Variants in KLF15 observed in about 807,000 individuals in gnomAD.
KLF15 encodes the protein Krueppel-like factor 15.
In KLF15, 4 loss-of-function variants were observed where a neutral mutation model predicts 24.6. The observed-to-expected ratio is 0.16, with a 90% CI of 0.08 to 0.37. KLF15 has a LOEUF of 0.37. Among genes scored for constraint, KLF15 ranks in the 10% least tolerant of loss-of-function variants. The pLI, the probability that KLF15 is intolerant of heterozygous loss-of-function variation, is 1.00. For synonymous variants in KLF15, 246 were observed against 236.3 expected (o/e 1.04, Z -0.37); for missense variants, 496 against 560.6 (o/e 0.88, Z 1.16).
the KLF15 span, among the ~76,000 whole-genome samples, chr3:126,293,413 C>T: frequency 6.6e-5 from 10 of 152,226 alleles, no homozygotes; most frequent in South Asian, 2.1e-3. Context: ...TCTGGAGCTC[C>T]GTTTTGGCCA....
downstream of KLF15, among the ~76,000 whole-genome samples, chr3:126,340,563 ACT>A (rs1433040629): frequency 6.6e-6 from 1 of 152,200 alleles, no homozygotes; most frequent in Non-Finnish European, 1.5e-5. Flanking sequence ...TAGTAGCCTA[ACT>A]CATACTCTAC....
the KLF15 span, among the ~76,000 whole-genome samples, chr3:126,331,364 T>C: frequency 6.6e-6 from 1 of 152,196 alleles, no homozygotes; most frequent in African/African-American, 2.4e-5. Flanking sequence ...CAATTTCAGA[T>C]TGGGTTTATC....
At chr3:126,305,630 C>G in the KLF15 span, among the ~76,000 whole-genome samples, 1 of 151,750 alleles carries the variant, frequency 6.6e-6, no homozygotes, top group South Asian at 2.1e-4. Context: ...GTCACACTTA[C>G]TGCAAGGGAG....
At chr3:126,301,789 T>G in the KLF15 span, among the ~76,000 whole-genome samples, 1 of 151,670 alleles carries the variant, frequency 6.6e-6, no homozygotes, top group East Asian at 1.9e-4. Context: ...TAATTTTTGT[T>G]TTTTTAGTAG....
At chr3:126,349,168 G>A (rs1304716977) in intron 2 of KLF15, among the ~76,000 whole-genome samples, 1 of 152,098 alleles carries the variant, frequency 6.6e-6, no homozygotes, top group Admixed American at 6.5e-5. Context: ...CAAGATCCCT[G>A]AAAGCCAGCT....
chr3:126,290,145 T>A, the KLF15 span, among the ~76,000 whole-genome samples: 2 of 152,216 alleles, frequency 1.3e-5, no homozygotes, highest in Non-Finnish European at 2.9e-5. Flanking sequence ...CAGCATTTTT[T>A]TTTTCTTTTG....
chr3:126,338,757 A>G (rs1479280243), downstream of KLF15, among the ~76,000 whole-genome samples: 1 of 152,164 alleles, frequency 6.6e-6, no homozygotes, highest in Non-Finnish European at 1.5e-5. Context: ...CTCATCAGGT[A>G]TTTCCAGCTC....
chr3:126,310,535 G>T, the KLF15 span, among the ~76,000 whole-genome samples: 1 of 151,998 alleles, frequency 6.6e-6, no homozygotes, highest in South Asian at 2.1e-4. Context: ...AATCAGAGAA[G>T]GGGGGGTGGG....
At chr3:126,303,663 T>C in the KLF15 span, among the ~76,000 whole-genome samples, 1 of 152,104 alleles carries the variant, frequency 6.6e-6, no homozygotes, top group African/African-American at 2.4e-5. Flanking sequence ...CTTGCATCTG[T>C]AGATTAATTG....
the KLF15 span, among the ~76,000 whole-genome samples, chr3:126,319,069 A>G: frequency 6.6e-6 from 1 of 152,302 alleles, no homozygotes; most frequent in East Asian, 1.9e-4. Context: ...TAGCCTTTTC[A>G]GATTCACTTA....
At chr3:126,323,799 C>G in the KLF15 span, among the ~76,000 whole-genome samples, 2 of 148,868 alleles carry the variant, frequency 1.3e-5, no homozygotes, top group African/African-American at 5.0e-5. Context: ...AATCTCATGT[C>G]TGAATACCCA....
At chr3:126,303,101 A>T in the KLF15 span, among the ~76,000 whole-genome samples, 1 of 152,130 alleles carries the variant, frequency 6.6e-6, no homozygotes, top group Non-Finnish European at 1.5e-5. Context: ...TTCAAGTGAT[A>T]TTATGCCCCT....
At chr3:126,305,289 A>G in the KLF15 span, among the ~76,000 whole-genome samples, 1 of 152,200 alleles carries the variant, frequency 6.6e-6, no homozygotes, top group African/African-American at 2.4e-5. Flanking sequence ...AACTTATTCT[A>G]ACAAATAAAC....
intron 2 of KLF15, among the ~76,000 whole-genome samples, chr3:126,349,243 G>A (rs549949580): frequency 9.2e-5 from 14 of 152,124 alleles, no homozygotes; most frequent in East Asian, 7.7e-4. Flanking sequence ...GCTCCCAGCC[G>A]AACAGCGCCT....
chr3:126,348,652 C>A (rs2082557264), intron 2 of KLF15, among the ~76,000 whole-genome samples: 1 of 152,234 alleles, frequency 6.6e-6, no homozygotes, highest in African/African-American at 2.4e-5. Context: ...AAACCTTAAG[C>A]TGTCACTACA....
the KLF15 span, among the ~76,000 whole-genome samples, chr3:126,300,036 G>T: frequency 3.3e-5 from 5 of 152,168 alleles, no homozygotes; most frequent in African/African-American, 1.2e-4. Context: ...GGTAGCATGG[G>T]CCTCAGAAGC....
rs888153156 is a variant in KLF15 at position 126,343,446 on chromosome 3, G to T, written c.*281C>A. 23 of 405,530 alleles carry T rather than the reference G, an allele frequency of 5.7e-5. No individual in the cohort carries two copies. The highest frequency in any genetic ancestry group is 9.2e-5 in the Non-Finnish European group (21 of 229,158). The allele number at this position is 405,530 out of a possible 1,614,324, so 25.1% of individuals were successfully genotyped here. A position where few individuals can be genotyped will look rare whatever the true frequency, so the allele number is the denominator to read the frequency against. ...GCCTGCAACCAGCGGCTGCAGCAGA[G>T]GCCTGGCCACCGCGGGAAGGCACGA... On this transcript the variant is annotated 3_prime_UTR_variant, in exon 3 of 3. Coordinates refer to ENST00000296233, the MANE Select transcript of KLF15 (RefSeq NM_014079.4).
Position 126,349,719 on chromosome 3 carries a change from G to A in KLF15, c.1082+2122C>T, listed in dbSNP as rs115713264. 6.8e-3 allele frequency among the ~76,000 whole-genome samples: 1,033 copies of A among 152,284 alleles called. 7 individuals are homozygous for A. The highest frequency in any genetic ancestry group is 0.024 in the African/African-American group (990 of 41,550). ...CTAGAGGAGCTACTTGCCAACGGTC[G>A]ACTATGGCCAGGAGACGGCGCTGAA... On this transcript the variant is annotated intron_variant, in intron 2 of 2. Coordinates refer to ENST00000296233, the MANE Select transcript of KLF15 (RefSeq NM_014079.4).
the KLF15 span, among the ~76,000 whole-genome samples, chr3:126,319,769 C>A: frequency 6.6e-6 from 1 of 152,110 alleles, no homozygotes; most frequent in Non-Finnish European, 1.5e-5. Flanking sequence ...CATTTCTAGT[C>A]CCAGCTTACA....
Sources: allele counts gnomAD v4.1 joint callset (sites outside exome capture counted in the v4.1 genomes callset), GRCh38; gene constraint gnomAD v4.1.1; transcripts MANE v1.5; gene names NCBI Gene and HGNC (gene_info 2026-07-23, HGNC 2026-07-21).